FAM169A: variants seen among roughly 807,000 people sequenced by gnomAD.
FAM169A encodes soluble lamin-associated protein of 75 kDa.
FAM169A carries 24 observed loss-of-function variants against 75.7 expected under a neutral mutation model. The observed-to-expected ratio is 0.32, with a 90% CI of 0.23 to 0.45. The LOEUF (loss-of-function observed/expected upper bound fraction) is 0.45, where lower values mean the gene tolerates loss of function less well. FAM169A is among the 20% of genes least tolerant of loss of function. The pLI is 1.00. For synonymous variants in FAM169A, 271 were observed against 271.0 expected, an observed-to-expected ratio of 1.00 and a Z score of 0.00; for missense variants, 673 against 784.0, an observed-to-expected ratio of 0.86 and a Z score of 1.69.
At chr5:74,839,211 C>G (rs1246451865) in intron 3 of FAM169A, among the ~76,000 whole-genome samples, 161 bp from the exon 4 acceptor site, 1 of 152,080 alleles carries the variant, frequency 6.6e-6, no homozygotes. Context: ...CTCATTTATA[C>G]CATTTTTATT....
chr5:74,857,479 C>A (rs1314507748), intron 1 of FAM169A, among the ~76,000 whole-genome samples: 2 of 144,208 alleles, frequency 1.4e-5, no homozygotes, highest in African/African-American at 2.6e-5. Flanking sequence ...GTCCGGGAGG[C>A]AGAGGTTGCA....
Position 74,834,502 on chromosome 5 carries a change from A to G in FAM169A, c.414T>C (p.Cys138=). ...EMERNEIPFL[C]HSSTDYAKIL... is the part of the protein sequence containing the mutation. ...TCTTAGCATAATCAGTACTGCTATG[A>G]CACAGGAATGGGATCTCATTTCTCT... Residue 138 remains cysteine, a synonymous_variant, in exon 5 of 13, where the codon TGT becomes TGC. Coordinates refer to ENST00000687041, the MANE Select transcript of FAM169A (RefSeq NM_001376049.1). 6.2e-7 allele frequency: 1 copy of G among 1,605,402 alleles called. No homozygotes were observed. Among genetic ancestry groups the G allele is most frequent in the Non-Finnish European group, 8.5e-7 (1 of 1,176,318 alleles).
chr5:74,860,235 T>G (rs1749963646), intron 1 of FAM169A, among the ~76,000 whole-genome samples: 1 of 152,234 alleles, frequency 6.6e-6, no homozygotes, highest in Non-Finnish European at 1.5e-5. Context: ...CAGAATAAAT[T>G]AATCAGGTAT....
At chr5:74,792,166 G>C (rs944210389) in intron 11 of FAM169A, among the ~76,000 whole-genome samples, 1 of 152,144 alleles carries the variant, frequency 6.6e-6, no homozygotes, top group Non-Finnish European at 1.5e-5. Context: ...ATCTCAGCAA[G>C]TGTGTATGGG....
intron 5 of FAM169A, among the ~76,000 whole-genome samples, chr5:74,818,712 A>T (rs1443461217): frequency 6.6e-6 from 1 of 151,684 alleles, no homozygotes; most frequent in East Asian, 1.9e-4. Flanking sequence ...AGATTACAAA[A>T]GGGCAAAGAC....
chr5:74,837,611 C>A (rs1487665209), intron 4 of FAM169A, among the ~76,000 whole-genome samples: 1 of 152,096 alleles, frequency 6.6e-6, no homozygotes, highest in Non-Finnish European at 1.5e-5. Flanking sequence ...CCCCTTTAAG[C>A]AAGCATCAAG....
intron 1 of FAM169A, among the ~76,000 whole-genome samples, chr5:74,859,479 G>A (rs1176248664): frequency 1.3e-5 from 2 of 151,618 alleles, no homozygotes; most frequent in African/African-American, 2.4e-5. Context: ...TAGTAGAGAC[G>A]GGATTTCACC....
At chr5:74,799,554 C>A in intron 10 of FAM169A, 1 of 1,521,806 alleles carries the variant, frequency 6.6e-7, no homozygotes, top group South Asian at 1.1e-5. Flanking sequence ...CCTGGGACAG[C>A]AAGATGCTTT....
At chr5:74,851,262 C>CAGTCTCTCTTGGAT (rs1256720481) in intron 1 of FAM169A, among the ~76,000 whole-genome samples, 2 of 152,224 alleles carry the variant, frequency 1.3e-5, no homozygotes, top group Non-Finnish European at 2.9e-5. Context: ...CTTCGTAGTG[C>CAGTCTCTCTTGGAT]AGTCTCTCTT....
chr5:74,827,337 A>G (rs889608874), intron 5 of FAM169A, among the ~76,000 whole-genome samples: 1 of 152,084 alleles, frequency 6.6e-6, no homozygotes, highest in Non-Finnish European at 1.5e-5. Context: ...ACTATTCCTT[A>G]ACAGTTTTAC....
chr5:74,811,029 T>C (rs1488284104), intron 6 of FAM169A, among the ~76,000 whole-genome samples: 9 of 147,182 alleles, frequency 6.1e-5, no homozygotes, highest in African/African-American at 1.8e-4. Context: ...GTCACCCAGG[T>C]TGAAGTGCAG....
At chr5:74,859,933 G>A (rs922117516) in intron 1 of FAM169A, among the ~76,000 whole-genome samples, 3 of 152,024 alleles carry the variant, frequency 2.0e-5, no homozygotes, top group African/African-American at 7.2e-5. Flanking sequence ...AGGGAGAAAA[G>A]GTAAGAAGAT....
intron 5 of FAM169A, among the ~76,000 whole-genome samples, chr5:74,833,423 T>C (rs1373261035): frequency 6.6e-6 from 1 of 152,134 alleles, no homozygotes; most frequent in Non-Finnish European, 1.5e-5. Context: ...ACAGAGACAA[T>C]AAAGGGCACC....
chr5:74,805,524 CT>C (rs1194674402), intron 6 of FAM169A, among the ~76,000 whole-genome samples: 133 of 81,898 alleles, frequency 1.6e-3, no homozygotes, highest in East Asian at 3.4e-3. Flanking sequence ...ATGTGCTTCG[CT>C]TTTTTTTTTT....
intron 6 of FAM169A, among the ~76,000 whole-genome samples, chr5:74,810,457 C>T (rs907159306): frequency 6.6e-6 from 1 of 151,912 alleles, no homozygotes; most frequent in Admixed American, 6.6e-5. Flanking sequence ...GGTACATGTA[C>T]GGTACATGTA....
chr5:74,847,149 A>C (rs955305594), intron 1 of FAM169A, among the ~76,000 whole-genome samples: 1 of 152,202 alleles, frequency 6.6e-6, no homozygotes, highest in Non-Finnish European at 1.5e-5. Context: ...TAAAATATAC[A>C]TAACAAAATT....
intron 4 of FAM169A, among the ~76,000 whole-genome samples, chr5:74,837,177 G>C (rs532756470): frequency 6.6e-6 from 1 of 152,148 alleles, no homozygotes; most frequent in Non-Finnish European, 1.5e-5. Flanking sequence ...CCAAACCTCA[G>C]TCATGTTAAA....
At chr5:74,804,006 A>G (rs1746722931) in intron 8 of FAM169A, among the ~76,000 whole-genome samples, 1 of 152,190 alleles carries the variant, frequency 6.6e-6, no homozygotes, top group Non-Finnish European at 1.5e-5. Flanking sequence ...CATAAAATAG[A>G]TAATAGAATA....
In FAM169A at chr5:74,851,969, G is replaced by A. The variant is rs189924415; in HGVS notation, c.-3-10290C>T. On this transcript the variant is annotated intron_variant, in intron 1 of 12. Coordinates refer to ENST00000687041, the MANE Select transcript of FAM169A (RefSeq NM_001376049.1). ...CGAGTCTAACTATATGTTCACTGTT[G>A]TAGATATTTTTAACATAAAATATCA... is the stretch of plus-strand genomic sequence containing the variant. 4.0e-3 allele frequency among the ~76,000 whole-genome samples: 610 copies of A among 152,204 alleles called. 2 individuals carry two copies. Among genetic ancestry groups the A allele is most frequent in the African/African-American group, 0.014 (586 of 41,550 alleles).
Sources: gnomAD v4.1 joint callset for allele counts (sites outside exome capture counted in the v4.1 genomes callset) on GRCh38, gnomAD v4.1.1 for gene constraint, MANE v1.5 for transcripts, NCBI Gene and HGNC (gene_info 2026-07-23, HGNC 2026-07-21) for gene names.